SELENOF: variants seen among roughly 807,000 people sequenced by gnomAD.
The protein encoded by SELENOF is selenoprotein F, also known as 15 kDa selenoprotein.
In SELENOF, 16 loss-of-function variants were observed where a neutral mutation model predicts 20.5. That is an observed-to-expected ratio of 0.78 (90% CI 0.53 to 1.19). The LOEUF (loss-of-function observed/expected upper bound fraction) is 1.19. Among genes scored for constraint, SELENOF ranks in the 50% most tolerant of loss-of-function variants. The probability of loss-of-function intolerance (pLI) is 0.00; values close to 1 mark genes in which losing one functional copy is unlikely to be tolerated. For missense variants in SELENOF, 215 were observed against 194.2 expected, an observed-to-expected ratio of 1.11 and a Z score of -0.64; for synonymous variants, 78 against 74.5, an observed-to-expected ratio of 1.05 and a Z score of -0.24.
chr1:86,893,593 G>T (rs1419666737), intron 2 of SELENOF, among the ~76,000 whole-genome samples: 1 of 151,826 alleles, frequency 6.6e-6, no homozygotes, highest in African/African-American at 2.4e-5. Flanking sequence ...ACTCCAGCCT[G>T]GTGACAGAGC....
chr1:86,885,958 A>C (rs556951260), intron 2 of SELENOF, among the ~76,000 whole-genome samples: 1 of 152,314 alleles, frequency 6.6e-6, no homozygotes, highest in South Asian at 2.1e-4. Context: ...ATACTTCCAC[A>C]GTATTGGTTA....
Position 86,899,767 on chromosome 1 carries a change from C to T in SELENOF, c.252+3514G>A, listed in dbSNP as rs1305591062. 1.9e-3 allele frequency among the ~76,000 whole-genome samples: 281 copies of T among 150,678 alleles called. 1 individual carries two copies. The highest frequency in any genetic ancestry group is 6.3e-3 in the African/African-American group (260 of 40,954). ...CTTCCCAGACGGGGTGGCTGCCGGG[C>T]GGAGGGGCTCCTCACTTCTCAGACG... On this transcript the variant is annotated intron_variant, in intron 2 of 4. Transcript: ENST00000331835.
At chr1:86,865,019 T>TA (rs921314365) in intron 4 of SELENOF, among the ~76,000 whole-genome samples, 18 of 152,090 alleles carry the variant, frequency 1.2e-4, no homozygotes, top group Non-Finnish European at 2.4e-4. Context: ...GTTTATTTAT[T>TA]AAAAAACTTA....
chr1:86,876,627 T>C (rs576955), intron 3 of SELENOF, among the ~76,000 whole-genome samples: 1 of 152,014 alleles, frequency 6.6e-6, no homozygotes, highest in South Asian at 2.1e-4. Flanking sequence ...TATAGATTGG[T>C]AGTCATCAGA....
chr1:86,871,940 T>C (rs1658780446), intron 3 of SELENOF, among the ~76,000 whole-genome samples: 1 of 152,158 alleles, frequency 6.6e-6, no homozygotes, highest in Admixed American at 6.5e-5. Flanking sequence ...TATGGCAACC[T>C]TAAAGAGACT....
intron 1 of SELENOF, 115 bp downstream of exon 1, chr1:86,913,913 A>C: frequency 1.0e-6 from 1 of 963,648 alleles, no homozygotes; most frequent in East Asian, 2.5e-5. Context: ...CGCAGCAGTC[A>C]TTAAGGAAGC....
intron 3 of SELENOF, among the ~76,000 whole-genome samples, chr1:86,872,907 G>A (rs922728911): frequency 7.9e-5 from 12 of 152,108 alleles, no homozygotes; most frequent in South Asian, 2.1e-4. Flanking sequence ...CTGGCGTGGT[G>A]GCAGGCGCCT....
At chr1:86,879,739 A>C (rs1048934340) in intron 3 of SELENOF, among the ~76,000 whole-genome samples, 2 of 152,228 alleles carry the variant, frequency 1.3e-5, no homozygotes, top group Admixed American at 6.5e-5. Context: ...TCAAAGTGAC[A>C]TGCAAGACAA....
chr1:86,887,149 T>A, intron 2 of SELENOF: 1 of 1,535,740 alleles, frequency 6.5e-7, no homozygotes, highest in Non-Finnish European at 8.8e-7. Flanking sequence ...GACACTTTCA[T>A]ACTCACTTTG....
At chr1:86,882,247 CAAAAAAA>C (rs61037512) in intron 2 of SELENOF, among the ~76,000 whole-genome samples, 2,469 of 61,872 alleles carry the variant, frequency 0.04, 40 homozygotes, top group African/African-American at 0.07. Context: ...GACTCTGTCT[CAAAAAAA>C]AAAAAAAAAA....
At chr1:86,889,961 C>T (rs1659334961) in intron 2 of SELENOF, among the ~76,000 whole-genome samples, 1 of 152,188 alleles carries the variant, frequency 6.6e-6, no homozygotes, top group South Asian at 2.1e-4. Context: ...TTCCCCTCCG[C>T]CTTATCAACT....
intron 2 of SELENOF, among the ~76,000 whole-genome samples, chr1:86,895,665 AAACTG>A (rs1415889619): frequency 6.6e-6 from 1 of 152,226 alleles, no homozygotes; most frequent in Non-Finnish European, 1.5e-5. Flanking sequence ...TTTTTAATCA[AAACTG>A]AACAATAAAT....
Position 86,876,009 on chromosome 1 carries a change from A to C in SELENOF, c.316+4653T>G, listed in dbSNP as rs1658915298. Among the ~76,000 whole-genome samples, 3 of 151,958 alleles carry C rather than the reference A, an allele frequency of 2.0e-5. No individual in the cohort carries two copies. In the South Asian group the frequency reaches 6.2e-4, roughly 32 times the overall value. ...TTTTGTATGTGACAGAGAACTATAA[A>C]GGATTTTAAGCAAGAGAGAGACACA... is the stretch of plus-strand genomic sequence containing the variant. On this transcript the variant is annotated intron_variant, in intron 3 of 4. Coordinates refer to ENST00000331835, the MANE Select transcript of SELENOF (RefSeq NM_004261.5).
intron 3 of SELENOF, among the ~76,000 whole-genome samples, chr1:86,871,198 C>T (rs1256692427): frequency 6.6e-6 from 1 of 152,096 alleles, no homozygotes; most frequent in Admixed American, 6.5e-5. Flanking sequence ...AAACTGAGTT[C>T]TTTAATGTCA....
chr1:86,906,576 T>C (rs1020512072), intron 1 of SELENOF, among the ~76,000 whole-genome samples: 5 of 152,160 alleles, frequency 3.3e-5, no homozygotes, highest in African/African-American at 1.2e-4. Context: ...TCTTTCTTTC[T>C]AGGAACATCA....
At chr1:86,898,580 CT>C (rs747362493) in intron 2 of SELENOF, among the ~76,000 whole-genome samples, 28,221 of 124,732 alleles carry the variant, frequency 0.23, 2,418 homozygotes, top group African/African-American at 0.4. Context: ...TTCTCTTCTT[CT>C]TTTTTTTTTT....
At chr1:86,913,950 G>A (rs1660061567) in intron 1 of SELENOF, 78 bp downstream of exon 1, 2 of 1,360,476 alleles carry the variant, frequency 1.5e-6, no homozygotes, top group Admixed American at 1.7e-5. Flanking sequence ...TTTTCAACCA[G>A]GACCGAATGT....
chr1:86,912,023 C>T (rs1249584312), intron 1 of SELENOF, among the ~76,000 whole-genome samples: 1 of 152,170 alleles, frequency 6.6e-6, no homozygotes, highest in Non-Finnish European at 1.5e-5. Flanking sequence ...TTGCCCACCT[C>T]AGCCTCCCAA....
At chr1:86,867,486 C>T (rs111677414) in intron 4 of SELENOF, among the ~76,000 whole-genome samples, 5 of 141,958 alleles carry the variant, frequency 3.5e-5, no homozygotes, top group South Asian at 4.5e-4. Flanking sequence ...AGCAAGACTC[C>T]GTCTCAACAA....
Sources: allele counts gnomAD v4.1 joint callset (sites outside exome capture counted in the v4.1 genomes callset), GRCh38; gene constraint gnomAD v4.1.1; transcripts MANE v1.5; gene names NCBI Gene and HGNC (gene_info 2026-07-23, HGNC 2026-07-21).